The following FRYL variants were observed in gnomAD, a reference collection of about 807,000 sequenced individuals.
The protein encoded by FRYL is protein furry homolog-like.
FRYL carries 150 observed loss-of-function variants against 351.2 expected under a neutral mutation model. That is an observed-to-expected ratio of 0.43 (90% CI 0.37 to 0.49). The LOEUF (loss-of-function observed/expected upper bound fraction) is 0.49. FRYL is among the 20% of genes least tolerant of loss of function. The pLI, the probability that FRYL is intolerant of heterozygous loss-of-function variation, is 0.00. For synonymous variants in FRYL, 1,153 were observed against 1,257.1 expected, an observed-to-expected ratio of 0.92 and a Z score of 1.75; for missense variants, 3,036 against 3,619.3, an observed-to-expected ratio of 0.84 and a Z score of 4.13.
intron 6 of FRYL, 27 bp from the exon 7 acceptor site, chr4:48,619,397 T>A: frequency 4.6e-6 from 6 of 1,305,456 alleles, no homozygotes; most frequent in Non-Finnish European, 6.4e-6. Flanking sequence ...AAATTAGTAC[T>A]GCATTAAGAT....
intron 3 of FRYL, among the ~76,000 whole-genome samples, chr4:48,675,664 G>A (rs1037050245): frequency 9.2e-5 from 14 of 152,154 alleles, no homozygotes; most frequent in Non-Finnish European, 1.3e-4. Context: ...CCTCCCCGAC[G>A]AGCACCACTC....
intron 3 of FRYL, chr4:48,653,655 G>C (rs1758165291): frequency 8.8e-7 from 1 of 1,131,992 alleles, no homozygotes; most frequent in Non-Finnish European, 1.2e-6. Flanking sequence ...AGCATGCAAG[G>C]AATGGCAATG....
At position 48,500,409 on chromosome 4, in the gene FRYL, A is replaced by C. The variant is rs916268204; in HGVS notation, c.8593-189T>G. 1.2e-4 allele frequency among the ~76,000 whole-genome samples: 19 copies of C among 152,230 alleles called. No homozygotes were observed. The Middle Eastern group carries it at 9.5e-3, about 76-fold the overall frequency. ...CTGTAGGAGCAAATAAATTCCACCA[A>C]ATAGTAGTCTTGAAATTAAATGTTC... On this transcript the variant is annotated intron_variant, in intron 62 of 63. Transcript: ENST00000358350.
At chr4:48,715,743 T>C (rs979800913) in intron 1 of FRYL, among the ~76,000 whole-genome samples, 2 of 152,174 alleles carry the variant, frequency 1.3e-5, no homozygotes, top group Admixed American at 1.3e-4. Context: ...AAGCTAGCAA[T>C]GACTTTCTTC....
intron 60 of FRYL, among the ~76,000 whole-genome samples, chr4:48,505,147 C>G (rs1217395559): frequency 6.6e-6 from 1 of 152,040 alleles, no homozygotes; most frequent in Admixed American, 6.6e-5. Flanking sequence ...TCTAATTTTA[C>G]CTTTAACATG....
At chr4:48,765,354 T>C (rs9715162) in intron 1 of FRYL, among the ~76,000 whole-genome samples, 14 of 151,964 alleles carry the variant, frequency 9.2e-5, no homozygotes, top group Admixed American at 2.6e-4. Flanking sequence ...CCCATAAATA[T>C]ACAGTAAACT....
At chr4:48,675,060 T>G (rs1471354086) in intron 3 of FRYL, among the ~76,000 whole-genome samples, 5 of 152,348 alleles carry the variant, frequency 3.3e-5, no homozygotes, top group Non-Finnish European at 5.9e-5. Flanking sequence ...TCTTTTTTGT[T>G]TTTTTGACAC....
chr4:48,556,118 C>T (rs1004265568), intron 35 of FRYL, among the ~76,000 whole-genome samples: 1 of 152,212 alleles, frequency 6.6e-6, no homozygotes, highest in Non-Finnish European at 1.5e-5. Context: ...TGGCCTCGGA[C>T]TCCTGACCTC....
At position 48,540,772 on chromosome 4, in the gene FRYL, G is replaced by A; in HGVS notation, c.5876C>T (p.Thr1959Ile). 6.2e-7 allele frequency: 1 copy of A among 1,613,876 alleles called. No individual in the cohort carries two copies. The highest frequency in any genetic ancestry group is 8.5e-7 in the Non-Finnish European group (1 of 1,179,886). ...TATCCGTCCATCCATTATATCCAGT[G>A]TGTTACTCCGCCGCCGGTCACCTCG... ...DRRGDRRRSN[T>I]LDIMDGRINH... The change falls in exon 46 of 64, where the codon ACA (threonine) becomes ATA (isoleucine). Residue 1959 changes from threonine to isoleucine, a missense_variant. By Grantham distance (89) the Thr-to-Ile change is moderately conservative. This residue lies in a region of FRYL where 1,987 missense variants were observed against 2,311.7 expected (regional missense o/e 0.86). Transcript: ENST00000358350.
At chr4:48,767,441 C>T (rs1172500477) in intron 1 of FRYL, among the ~76,000 whole-genome samples, 2 of 152,130 alleles carry the variant, frequency 1.3e-5, no homozygotes, top group African/African-American at 4.8e-5. Flanking sequence ...CAAAGCCAAA[C>T]CATATCATGC....
intron 1 of FRYL, among the ~76,000 whole-genome samples, chr4:48,772,836 T>C (rs1437757423): frequency 6.6e-6 from 1 of 152,208 alleles, no homozygotes; most frequent in Non-Finnish European, 1.5e-5. Flanking sequence ...CTAATGTTCC[T>C]TTTTCATCAA....
chr4:48,654,298 C>CAAAAAAAAAAAA (rs34418324), intron 3 of FRYL, among the ~76,000 whole-genome samples: 6 of 123,608 alleles, frequency 4.9e-5, no homozygotes, highest in South Asian at 2.9e-4. Context: ...AATAGCTGAT[C>CAAAAAAAAAAAA]AAAAAAAAAA....
intron 63 of FRYL, 130 bp downstream of exon 63, chr4:48,499,900 G>A: frequency 1.3e-6 from 1 of 795,604 alleles, no homozygotes; most frequent in South Asian, 1.8e-5. Context: ...AGTGGCAACT[G>A]TTAAAAATAC....
At position 48,539,981 on chromosome 4, in the gene FRYL, C is replaced by T. The variant is rs1404128562; in HGVS notation, c.6383G>A (p.Arg2128Gln). Residue 2128 changes from arginine to glutamine, a missense_variant, in exon 47 of 64, where the codon CGA becomes CAA. Coordinates refer to ENST00000358350, the MANE Select transcript of FRYL (RefSeq NM_015030.2). ...ATAACATTTGCTTACCTTTGCTATT[C>T]GACTAGCTGTTTCTTTGCAAAACTG... ...PTQFCKETAS[R>Q]IAKVCAEEKC... is the part of the protein sequence containing the mutation. 3.7e-6 allele frequency: 6 copies of T among 1,609,680 alleles called. No homozygotes were observed. The highest frequency in any genetic ancestry group is 2.2e-5 in the East Asian group (1 of 44,762).
intron 50 of FRYL, among the ~76,000 whole-genome samples, chr4:48,530,038 T>TTTGTTA (rs1727192413): frequency 6.6e-6 from 1 of 152,198 alleles, no homozygotes; most frequent in Non-Finnish European, 1.5e-5. Context: ...AAACCCTTAA[T>TTTGTTA]TTGTTACTTC....
chr4:48,645,122 TTTTATATATATATATATATA>T (rs1344101666), intron 3 of FRYL, among the ~76,000 whole-genome samples: 1 of 15,030 alleles, frequency 6.7e-5, no homozygotes, highest in Non-Finnish European at 1.4e-4. Flanking sequence ...TGAGCTTTCA[TTTTATATATATATATATATA>T]TATATATATA....
At chr4:48,578,305 A>G (rs760484484) in intron 23 of FRYL, among the ~76,000 whole-genome samples, 1 of 152,158 alleles carries the variant, frequency 6.6e-6, no homozygotes, top group African/African-American at 2.4e-5. Flanking sequence ...CTGGGTTTAC[A>G]TGGGCAAGTT....
At chr4:48,751,856 TCACCTGATTTCCTAAG>T (rs1265354532) in intron 1 of FRYL, among the ~76,000 whole-genome samples, 3 of 135,942 alleles carry the variant, frequency 2.2e-5, no homozygotes, top group African/African-American at 8.2e-5. Flanking sequence ...TTTTTTTTGG[TCACCTGATTTCCTAAG>T]CACCTGATTA....
At chr4:48,554,491 G>A (rs774431084) in intron 35 of FRYL, among the ~76,000 whole-genome samples, 8 of 151,954 alleles carry the variant, frequency 5.3e-5, no homozygotes, top group Non-Finnish European at 7.4e-5. Flanking sequence ...GGTGCCTGCC[G>A]CCACACCCAG....
Sources: gnomAD v4.1 joint callset for allele counts (sites outside exome capture counted in the v4.1 genomes callset) on GRCh38, gnomAD v4.1.1 for gene constraint, gnomAD v4.1.1 regional missense constraint, MANE v1.5 for transcripts, NCBI Gene and HGNC (gene_info 2026-07-23, HGNC 2026-07-21) for gene names.